Variants in CHCT1 observed in about 807,000 individuals in gnomAD.
The protein encoded by CHCT1 is CHD1 helical C-terminal domain containing 1.
the CHCT1 span, chr17:60,426,604 C>A: frequency 6.9e-7 from 1 of 1,440,850 alleles, no homozygotes; most frequent in South Asian, 1.3e-5. Flanking sequence ...AACCCCAAAC[C>A]CCAAAGGGGC....
the CHCT1 span, chr17:60,426,348 T>C: frequency 1.3e-6 from 2 of 1,546,966 alleles, no homozygotes; most frequent in South Asian, 2.4e-5. Context: ...TAGGGCAGTC[T>C]CTTTGCTCTG....
the CHCT1 span, chr17:60,421,715 G>A: frequency 1.2e-6 from 1 of 801,810 alleles, no homozygotes; most frequent in South Asian, 5.7e-5. Context: ...GGCCCTGCCC[G>A]GCCAACTCAG....
At chr17:60,426,840 C>T in the CHCT1 span, 137,276 of 1,575,658 alleles carry the variant, frequency 0.087, 6,694 homozygotes, top group Non-Finnish European at 0.098. Flanking sequence ...ACATTCCGCC[C>T]GAGCACAGCT....
the CHCT1 span, chr17:60,426,151 G>GCCT: frequency 4.5e-6 from 7 of 1,551,202 alleles, no homozygotes; most frequent in Non-Finnish European, 5.2e-6. Flanking sequence ...CTCACCTGTT[G>GCCT]CCTCCTCAGT....
At chr17:60,429,856 G>C in the CHCT1 span, among the ~76,000 whole-genome samples, 5 of 151,374 alleles carry the variant, frequency 3.3e-5, no homozygotes, top group Admixed American at 3.3e-4. Context: ...ACGGAGTCTC[G>C]CTCTGTCACC....
chr17:60,426,527 C>A, the CHCT1 span: 1 of 1,051,264 alleles, frequency 9.5e-7, no homozygotes, highest in Non-Finnish European at 1.3e-6. Flanking sequence ...TGAACAACTG[C>A]GTGCAGGCGC....
At chr17:60,421,892 T>G in the CHCT1 span, 4 of 985,278 alleles carry the variant, frequency 4.1e-6, no homozygotes, top group Non-Finnish European at 4.8e-6. Context: ...TCTCAGCGCC[T>G]CCTGTGTGAA....
chr17:60,426,113 C>A, the CHCT1 span: 1 of 1,532,664 alleles, frequency 6.5e-7, no homozygotes, highest in Non-Finnish European at 8.8e-7. Context: ...TGCCCATCTG[C>A]CTCTTCTTTT....
the CHCT1 span, chr17:60,421,597 G>T: frequency 6.1e-6 from 6 of 983,748 alleles, no homozygotes; most frequent in Non-Finnish European, 7.2e-6. Context: ...AAACTGCGGG[G>T]GCAACGGTCT....
the CHCT1 span, chr17:60,421,274 A>G: frequency 1.3e-6 from 1 of 774,966 alleles, no homozygotes. Flanking sequence ...CAATAACAAC[A>G]AGACGTTTGC....
the CHCT1 span, among the ~76,000 whole-genome samples, chr17:60,423,453 A>C: frequency 6.6e-6 from 1 of 151,682 alleles, no homozygotes; most frequent in Non-Finnish European, 1.5e-5. Context: ...TCGGCCTCCC[A>C]AAATGCTGGG....
the CHCT1 span, among the ~76,000 whole-genome samples, chr17:60,431,008 T>C: frequency 6.6e-6 from 1 of 152,220 alleles, no homozygotes; most frequent in Non-Finnish European, 1.5e-5. Context: ...TTGGGGACAA[T>C]GCCATCTCTC....
chr17:60,425,969 C>A, the CHCT1 span: 1 of 1,322,736 alleles, frequency 7.6e-7, no homozygotes, highest in Non-Finnish European at 1.1e-6. Context: ...GCCTCAGACC[C>A]ACAGCGCATT....
At chr17:60,426,307 C>A in the CHCT1 span, 1 of 1,551,416 alleles carries the variant, frequency 6.4e-7, no homozygotes, top group East Asian at 2.4e-5. Flanking sequence ...AGCATTACTG[C>A]CAAGCCTGGG....
chr17:60,425,650 A>T, the CHCT1 span: 1 of 632,958 alleles, frequency 1.6e-6, no homozygotes. Context: ...GCTCACTCAC[A>T]TCCATGCTGG....
chr17:60,430,331 T>C, the CHCT1 span, among the ~76,000 whole-genome samples: 1 of 152,098 alleles, frequency 6.6e-6, no homozygotes, highest in Admixed American at 6.5e-5. Flanking sequence ...GATGAGGTTA[T>C]GCTCTTCCCA....
At chr17:60,423,313 C>T in the CHCT1 span, among the ~76,000 whole-genome samples, 1 of 151,916 alleles carries the variant, frequency 6.6e-6, no homozygotes, top group African/African-American at 2.4e-5. Context: ...CTGCCTCAGC[C>T]TCCTGAGTAG....
chr17:60,424,795 C>T, the CHCT1 span, among the ~76,000 whole-genome samples: 1 of 151,876 alleles, frequency 6.6e-6, no homozygotes. Context: ...ATCGCTTGAA[C>T]CCGGGAGGCC....
At chr17:60,427,979 A>G in the CHCT1 span, among the ~76,000 whole-genome samples, 10 of 152,150 alleles carry the variant, frequency 6.6e-5, no homozygotes, top group African/African-American at 1.7e-4. Context: ...TTTTCATACT[A>G]GGTTTCATTA....
Sources: gnomAD v4.1 joint callset for allele counts (sites outside exome capture counted in the v4.1 genomes callset) on GRCh38, gnomAD v4.1.1 for gene constraint, MANE v1.5 for transcripts, NCBI Gene and HGNC (gene_info 2026-07-23, HGNC 2026-07-21) for gene names.